The following SORCS2 variants were observed in gnomAD, a reference collection of about 807,000 sequenced individuals.
SORCS2 encodes the protein sortilin related VPS10 domain containing receptor 2, also known as VPS10 domain-containing receptor SorCS2.
SORCS2 carries 100 observed loss-of-function variants against 141.6 expected under a neutral mutation model. The ratio of observed to expected loss-of-function variants is 0.71; its 90% CI spans 0.60 to 0.83. SORCS2 has a LOEUF of 0.83. Ranked by LOEUF, SORCS2 falls within the 40% of genes least tolerant of loss-of-function variation. SORCS2 has a pLI of 0.00. For missense variants in SORCS2, 1,646 were observed against 1,560.2 expected (o/e 1.05, Z -0.93); for synonymous variants, 789 against 676.9 (o/e 1.17, Z -2.57).
At chr4:7,674,180 C>T (rs554816626) in intron 8 of SORCS2, among the ~76,000 whole-genome samples, 3 of 152,162 alleles carry the variant, frequency 2.0e-5, no homozygotes, top group Admixed American at 6.5e-5. Flanking sequence ...CTGTGTGTCT[C>T]GGTGCCAGTC....
At chr4:7,460,875 G>A (rs924764748) in intron 2 of SORCS2, among the ~76,000 whole-genome samples, 2 of 152,084 alleles carry the variant, frequency 1.3e-5, no homozygotes, top group African/African-American at 2.4e-5. Context: ...GCCGTGCATC[G>A]GCTACACACG....
chr4:7,246,713 A>G (rs2108799339), intron 1 of SORCS2, among the ~76,000 whole-genome samples: 1 of 152,300 alleles, frequency 6.6e-6, no homozygotes, highest in East Asian at 1.9e-4. Flanking sequence ...GGGCTGGGGA[A>G]TCTGCACTCT....
At chr4:7,695,906 G>T (rs2109000054) in intron 11 of SORCS2, among the ~76,000 whole-genome samples, 1 of 139,270 alleles carries the variant, frequency 7.2e-6, no homozygotes, top group Admixed American at 7.2e-5. Flanking sequence ...ATGGATGGAT[G>T]GATGGATGGA....
At chr4:7,520,818 G>A (rs73082847) in intron 2 of SORCS2, among the ~76,000 whole-genome samples, 114 of 152,348 alleles carry the variant, frequency 7.5e-4, no homozygotes, top group African/African-American at 2.5e-3. Flanking sequence ...ACGCACAGGT[G>A]AAATGACACA....
At chr4:7,491,981 C>T (rs1219367085) in intron 2 of SORCS2, among the ~76,000 whole-genome samples, 1 of 152,228 alleles carries the variant, frequency 6.6e-6, no homozygotes, top group Non-Finnish European at 1.5e-5. Context: ...CAGTCTTTGC[C>T]TCCTGGAGGC....
At chr4:7,389,495 AC>A (rs567782340) in intron 1 of SORCS2, among the ~76,000 whole-genome samples, 256 of 151,988 alleles carry the variant, frequency 1.7e-3, no homozygotes, top group African/African-American at 5.9e-3. Context: ...GTGAGGAAAG[AC>A]CTCACCAGGA....
intron 3 of SORCS2, among the ~76,000 whole-genome samples, chr4:7,617,348 A>G (rs918548033): frequency 6.6e-6 from 1 of 152,054 alleles, no homozygotes; most frequent in Non-Finnish European, 1.5e-5. Flanking sequence ...TTATCCATCA[A>G]TATATGCACC....
At chr4:7,529,597 T>G (rs1733903098) in intron 2 of SORCS2, among the ~76,000 whole-genome samples, 1 of 152,008 alleles carries the variant, frequency 6.6e-6, no homozygotes, top group African/African-American at 2.4e-5. Context: ...TGAGAGGTAT[T>G]TGGGAGGCGG....
At chr4:7,537,845 T>G (rs1322825373) in intron 3 of SORCS2, among the ~76,000 whole-genome samples, 4 of 151,866 alleles carry the variant, frequency 2.6e-5, no homozygotes. Flanking sequence ...AAATAAAAAA[T>G]AGCCAGGCCT....
At chr4:7,516,267 G>C (rs770516621) in intron 2 of SORCS2, among the ~76,000 whole-genome samples, 1 of 152,114 alleles carries the variant, frequency 6.6e-6, no homozygotes, top group Admixed American at 6.5e-5. Context: ...ATGCAGAAAG[G>C]GAATGAGAAG....
rs199687615 is a variant in SORCS2 at position 7,709,455 on chromosome 4, T to C, written c.1869-3278T>C. Among the ~76,000 whole-genome samples the C allele has an allele frequency of 9.8e-5, 15 of 152,356 alleles. No individual in the cohort carries two copies. In the East Asian group the frequency reaches 2.5e-3, roughly 26 times the overall value. On this transcript the variant is annotated intron_variant, in intron 14 of 26. Transcript: ENST00000507866. ...TATCCCAGAAGGATAATGGCCGAAT[T>C]CACAGCCAGGTGCTATAACCTTTTA...
At chr4:7,631,796 C>T (rs915497736) in intron 3 of SORCS2, among the ~76,000 whole-genome samples, 1 of 149,794 alleles carries the variant, frequency 6.7e-6, no homozygotes, top group Admixed American at 6.6e-5. Flanking sequence ...CTTCCCTCTT[C>T]ACAGGGTCGG....
At chr4:7,298,160 G>A (rs986248361) in intron 1 of SORCS2, among the ~76,000 whole-genome samples, 5 of 152,186 alleles carry the variant, frequency 3.3e-5, no homozygotes, top group Admixed American at 2.6e-4. Flanking sequence ...GGCCTTGGAG[G>A]CTGTGTGCAC....
intron 3 of SORCS2, among the ~76,000 whole-genome samples, chr4:7,601,039 C>G (rs1346786385): frequency 6.6e-6 from 1 of 152,162 alleles, no homozygotes; most frequent in Non-Finnish European, 1.5e-5. Context: ...GTGCCTGCCA[C>G]CATGCCTGGC....
At chr4:7,484,892 C>T (rs925274498) in intron 2 of SORCS2, among the ~76,000 whole-genome samples, 5 of 151,664 alleles carry the variant, frequency 3.3e-5, no homozygotes, top group Non-Finnish European at 7.4e-5. Flanking sequence ...AGCCCACCTC[C>T]TCCACACAGC....
chr4:7,249,617 C>A (rs1713346684), intron 1 of SORCS2, among the ~76,000 whole-genome samples: 2 of 152,196 alleles, frequency 1.3e-5, no homozygotes, highest in South Asian at 4.1e-4. Context: ...TCACTTCATT[C>A]ATGCCTCTGT....
At chr4:7,302,505 T>C (rs1717498853) in intron 1 of SORCS2, among the ~76,000 whole-genome samples, 1 of 152,198 alleles carries the variant, frequency 6.6e-6, no homozygotes, top group African/African-American at 2.4e-5. Context: ...CTTCGGGAGC[T>C]GCACGGTCCC....
chr4:7,683,740 C>T (rs2108970853), intron 10 of SORCS2, among the ~76,000 whole-genome samples: 1 of 152,324 alleles, frequency 6.6e-6, no homozygotes, highest in Non-Finnish European at 1.5e-5. Flanking sequence ...GGCCAGAGTT[C>T]AGACATCCTG....
At chr4:7,379,968 CCA>C (rs1223016451) in intron 1 of SORCS2, among the ~76,000 whole-genome samples, 2 of 152,356 alleles carry the variant, frequency 1.3e-5, no homozygotes, top group East Asian at 1.9e-4. Context: ...CTCCCCATCC[CCA>C]GTCTGCCGGT....
Sources: allele counts gnomAD v4.1 joint callset (sites outside exome capture counted in the v4.1 genomes callset), GRCh38; gene constraint gnomAD v4.1.1; transcripts MANE v1.5; gene names NCBI Gene and HGNC (gene_info 2026-07-23, HGNC 2026-07-21).